SAP130: variants seen among roughly 807,000 people sequenced by gnomAD.
SAP130 encodes the protein histone deacetylase complex subunit SAP130.
In SAP130, 16 loss-of-function variants were observed where a neutral mutation model predicts 103.2. The ratio of observed to expected loss-of-function variants is 0.16; its 90% confidence interval spans 0.10 to 0.24. The LOEUF (loss-of-function observed/expected upper bound fraction) is 0.24. SAP130 is among the 10% of genes least tolerant of loss of function. The pLI is 1.00. For synonymous variants in SAP130, 477 were observed against 497.0 expected (o/e 0.96, Z 0.53); for missense variants, 990 against 1,359.7 (o/e 0.73, Z 4.28).
intron 11 of SAP130, among the ~76,000 whole-genome samples, chr2:127,993,513 A>T (rs865876063): frequency 4.6e-5 from 7 of 152,118 alleles, no homozygotes; most frequent in Admixed American, 3.3e-4. Flanking sequence ...ATAAATACCT[A>T]TATCAATAAA....
intron 15 of SAP130, among the ~76,000 whole-genome samples, chr2:127,970,877 T>C (rs1347613993): frequency 6.6e-6 from 1 of 152,148 alleles, no homozygotes. Context: ...ACAAAGTCAC[T>C]GACATGACAT....
At chr2:128,021,087 CTTTT>C (rs1685119836) in intron 2 of SAP130, among the ~76,000 whole-genome samples, 1 of 152,024 alleles carries the variant, frequency 6.6e-6, no homozygotes, top group Non-Finnish European at 1.5e-5. Context: ...CAAATTTTTG[CTTTT>C]ATCAACAATC....
chr2:128,027,376 C>T (rs943153719), intron 1 of SAP130: 1 of 1,145,726 alleles, frequency 8.7e-7, no homozygotes, highest in Admixed American at 4.8e-5. Flanking sequence ...GACCAATCCA[C>T]AGCGACCTGC....
At chr2:127,981,013 G>C (rs2104942637) in intron 14 of SAP130, among the ~76,000 whole-genome samples, 2 of 152,132 alleles carry the variant, frequency 1.3e-5, no homozygotes, top group East Asian at 3.9e-4. Context: ...CTATCCATTG[G>C]TTAGTTACCT....
chr2:128,027,146 G>A (rs1685567381), intron 1 of SAP130: 1 of 1,365,152 alleles, frequency 7.3e-7, no homozygotes. Flanking sequence ...CGGCCTGGGG[G>A]TGCCGCGGAG....
intron 15 of SAP130, among the ~76,000 whole-genome samples, chr2:127,973,687 T>A (rs1681252698): frequency 6.6e-6 from 1 of 152,180 alleles, no homozygotes; most frequent in South Asian, 2.1e-4. Flanking sequence ...TCAGGTAAAA[T>A]TTGGGAGCTA....
At position 128,016,530 on chromosome 2, in the gene SAP130, G is replaced by C. The variant is rs758991819; in HGVS notation, c.366C>G (p.Thr122=). The C allele has an allele frequency of 7.3e-5, 117 of 1,612,082 alleles. 1 individual carries two copies. The highest frequency in any genetic ancestry group is 6.8e-5 in the Non-Finnish European group (80 of 1,179,038). The stretch of plus-strand genomic sequence containing the variant: ...CAGGAGCAATGGGACGGCTAGGCAT[G>C]GTGGGCTTCGGGGGCGGCTGCAAAC... ...EGLMKPPPKP[T]MPSRPIAPAP... The change falls in exon 4 of 21, where the codon ACC becomes ACG. Residue 122 remains threonine (T), a synonymous_variant. Coordinates refer to ENST00000643581, the MANE Select transcript of SAP130 (RefSeq NM_001330301.2).
rs1679644547 is a variant in SAP130 at position 127,953,691 on chromosome 2, T to A, written c.2422+1295A>T. 6.6e-6 allele frequency among the ~76,000 whole-genome samples: 1 copy of A among 152,204 alleles called. No individual in the cohort carries two copies. The highest frequency in any genetic ancestry group is 2.4e-5 in the African/African-American group (1 of 41,448). ...TTTTTGTACTTACTGCTCTCTGGCCTGGAATACCCTTTCCCCGGATATCCT... is the reference window on the plus strand; with the variant it reads ...TTTTTGTACTTACTGCTCTCTGGCCAGGAATACCCTTTCCCCGGATATCCT... On this transcript the variant is annotated intron_variant, in intron 16 of 20. Transcript: ENST00000643581. The surrounding 1 kb of genome is among the most constrained non-coding windows in gnomAD (Gnocchi z 4.0).
At position 127,996,494 on chromosome 2, in the gene SAP130, G is replaced by A. The variant is rs1339295489; in HGVS notation, c.1214-3C>T. 4 of 1,538,240 alleles carry A rather than the reference G, an allele frequency of 2.6e-6. No individual in the cohort carries two copies. Among genetic ancestry groups the A allele is most frequent in the South Asian group, 1.2e-5 (1 of 81,392 alleles). Reference sequence around the variant, plus strand: ...GATCTGCTGGGGCACCACCTTGGCTGCAAACAGTAAATGCCAATTCCATGA... The same window carrying A: ...GATCTGCTGGGGCACCACCTTGGCTACAAACAGTAAATGCCAATTCCATGA... On this transcript the variant is annotated splice_region_variant and splice_polypyrimidine_tract_variant and intron_variant, in intron 10 of 20. Transcript: ENST00000643581. This position sits in a 1 kb window ranked among gnomAD's most constrained non-coding sequence, Gnocchi z 4.3.
chr2:128,004,361 CTTTTTT>C (rs71935874), intron 7 of SAP130, among the ~76,000 whole-genome samples: 76 of 76,022 alleles, frequency 1.0e-3, no homozygotes, highest in African/African-American at 1.6e-3. Flanking sequence ...GCTTTCTTTC[CTTTTTT>C]TTTTTTTTTT....
chr2:127,981,897 T>C (rs979259845), intron 14 of SAP130, among the ~76,000 whole-genome samples: 1 of 152,008 alleles, frequency 6.6e-6, no homozygotes, highest in Admixed American at 6.6e-5. Flanking sequence ...CCTGCTATAG[T>C]CTGTAAGGGG....
chr2:128,013,497 A>G (rs886760845), intron 5 of SAP130, among the ~76,000 whole-genome samples: 3 of 152,132 alleles, frequency 2.0e-5, no homozygotes, highest in Admixed American at 6.6e-5. Flanking sequence ...TCTTTGTTCC[A>G]TTAGAGCAGA....
In SAP130 at chr2:127,955,409, C is replaced by G. The variant is rs1679772761; in HGVS notation, c.2064-65G>C. On this transcript the variant is annotated intron_variant, in intron 15 of 20. Transcript: ENST00000643581. This position sits in a 1 kb window ranked among gnomAD's most constrained non-coding sequence, Gnocchi z 4.9. ...AAAACTGCCTTCATCTACAACATCT[C>G]AGAGGATGAGTATTTGTCCAATTAT... The G allele has an allele frequency of 4.1e-6, 4 of 978,576 alleles. No homozygotes were observed. In the South Asian group the frequency reaches 6.4e-5, roughly 16 times the overall value. 60.6% of individuals were successfully genotyped at this position (978,576 alleles called of 1,614,324 possible). A position where few individuals can be genotyped will look rare whatever the true frequency, so the allele number is the denominator to read the frequency against.
chr2:128,022,473 C>T (rs1477989739), intron 2 of SAP130, among the ~76,000 whole-genome samples: 1 of 152,148 alleles, frequency 6.6e-6, no homozygotes, highest in Non-Finnish European at 1.5e-5. Flanking sequence ...TTGATAAATA[C>T]CTATGGAATG....
rs1464230835 is a variant in SAP130, at chr2:127,986,068, A to G, written c.1958+717T>C. ...CTACTTCTACTCAGTAAAACCCTAC[A>G]CTCATTCTCCAAGCCCACGTGTGAT... is the stretch of plus-strand genomic sequence containing the variant. On this transcript the variant is annotated intron_variant, in intron 14 of 20. Transcript: ENST00000643581. The surrounding 1 kb of genome is among the most constrained non-coding windows in gnomAD (Gnocchi z 4.7). Among the ~76,000 whole-genome samples, 1 of 151,900 alleles carries G rather than the reference A, an allele frequency of 6.6e-6. No homozygotes were observed. Among genetic ancestry groups the G allele is most frequent in the Non-Finnish European group, 1.5e-5 (1 of 67,974 alleles).
chr2:127,968,952 G>C (rs1457622156), intron 15 of SAP130, among the ~76,000 whole-genome samples: 1 of 152,148 alleles, frequency 6.6e-6, no homozygotes, highest in Non-Finnish European at 1.5e-5. Context: ...CCAGACATGA[G>C]GACTCATGAC....
At chr2:128,014,135 A>G (rs1684592721) in intron 5 of SAP130, among the ~76,000 whole-genome samples, 1 of 152,238 alleles carries the variant, frequency 6.6e-6, no homozygotes. Context: ...AATTGCATAA[A>G]TATACACACT....
chr2:128,027,000 C>T (rs933022849), intron 1 of SAP130: 80 of 1,207,086 alleles, frequency 6.6e-5, no homozygotes, highest in Non-Finnish European at 8.1e-5. Context: ...GGTTTCCAGA[C>T]ACCTCGGAGT....
chr2:128,010,951 GA>G (rs35508983), intron 6 of SAP130, among the ~76,000 whole-genome samples: 166 of 130,480 alleles, frequency 1.3e-3, no homozygotes, highest in South Asian at 1.7e-3. Flanking sequence ...CAAGTGTTTT[GA>G]AAAAAAAAAA....
Sources: allele counts gnomAD v4.1 joint callset (sites outside exome capture counted in the v4.1 genomes callset), GRCh38; gene constraint gnomAD v4.1.1; non-coding constraint Gnocchi (gnomAD v3.1); transcripts MANE v1.5; gene names NCBI Gene and HGNC (gene_info 2026-07-23, HGNC 2026-07-21).